The following NIPBL variants were observed in gnomAD, a reference collection of about 807,000 sequenced individuals.
NIPBL encodes the protein NIPBL cohesin loading factor.
A neutral mutation model predicts 321.8 loss-of-function variants in NIPBL; 19 were observed. That is an observed-to-expected ratio of 0.06 (90% CI 0.04 to 0.09). The LOEUF (loss-of-function observed/expected upper bound fraction) is 0.09. Among genes scored for constraint, NIPBL ranks in the 10% least tolerant of loss-of-function variants. The pLI is 1.00. For synonymous variants in NIPBL, 1,106 were observed against 1,114.1 expected, an observed-to-expected ratio of 0.99 and a Z score of 0.14; for missense variants, 2,210 against 3,327.0, an observed-to-expected ratio of 0.66 and a Z score of 8.26.
rs527790088 is a variant in NIPBL at position 36,879,702 on chromosome 5, A to G, written c.-80+2524A>G. ...TCAGAAGTGTTCCAGTAACCTTATA[A>G]TCCTAGTTATATTATTTGGAGAAAT... On this transcript the variant is annotated intron_variant, in intron 1 of 46. Coordinates refer to ENST00000282516, the MANE Select transcript of NIPBL (RefSeq NM_133433.4). Among the ~76,000 whole-genome samples, 5 of 152,248 alleles carry G rather than the reference A, an allele frequency of 3.3e-5. No individual in the cohort carries two copies. In the South Asian group the frequency reaches 1.0e-3, roughly 31 times the overall value.
chr5:37,060,881 G>A lies in NIPBL; in HGVS notation c.7723G>A (p.Val2575Ile), dbSNP rs958526898. Reference protein sequence around the residue: ...QKYSPSESAKVYDKAINRKTG... With the variant: ...QKYSPSESAKIYDKAINRKTG... ...GTACTCTCCATCTGAATCTGCAAAA[G>A]TATATGATAAAGCGATAAACCGAAA... The change falls in exon 45 of 47, where the codon GTA becomes ATA. Residue 2575 changes from valine (V) to isoleucine (I), a missense_variant. By Grantham distance (29) the Val-to-Ile change is conservative (BLOSUM62 3). Around this residue, in one of 14 missense-constraint regions of NIPBL, gnomAD observed 159 missense variants for 319.2 expected, o/e 0.50. Coordinates refer to ENST00000282516, the MANE Select transcript of NIPBL (RefSeq NM_133433.4). 4 of 1,613,880 alleles carry A rather than the reference G, an allele frequency of 2.5e-6. No homozygotes were observed. The highest frequency in any genetic ancestry group is 1.3e-5 in the African/African-American group (1 of 74,898).
At chr5:37,038,813 C>G (rs1045001829) in intron 34 of NIPBL, 75 bp downstream of exon 34, 14 of 1,423,616 alleles carry the variant, frequency 9.8e-6, no homozygotes, top group Non-Finnish European at 1.4e-5. Flanking sequence ...TCACATGCGT[C>G]AACCACATTC....
At chr5:36,936,204 T>G (rs1738405771) in intron 1 of NIPBL, among the ~76,000 whole-genome samples, 2 of 152,172 alleles carry the variant, frequency 1.3e-5, no homozygotes, top group Admixed American at 1.3e-4. Context: ...GTGTTCAGTT[T>G]TAGGATTTGC....
chr5:37,014,597 C>T lies in NIPBL; in HGVS notation c.4561-86C>T, dbSNP rs116554506. ...AGCATTTTAGTATTTAAATATATTA[C>T]CCCTCTTCAGTAATAACATGACAAT... On this transcript the variant is annotated intron_variant, in intron 21 of 46. Coordinates refer to ENST00000282516, the MANE Select transcript of NIPBL (RefSeq NM_133433.4). 6,642 of 797,264 alleles carry T rather than the reference C, an allele frequency of 8.3e-3. 135 individuals carry two copies. Among genetic ancestry groups the T allele is most frequent in the African/African-American group, 0.063 (3,674 of 58,288 alleles). 49.4% of individuals were successfully genotyped at this position (797,264 alleles called of 1,614,324 possible).
intron 42 of NIPBL, 85 bp from the exon 43 acceptor site, chr5:37,057,101 G>A (rs758224094): frequency 7.4e-7 from 1 of 1,346,294 alleles, no homozygotes; most frequent in Non-Finnish European, 1.0e-6. Context: ...AGGTGAAAGT[G>A]CCCTGTATTT....
At chr5:36,969,926 G>T (rs1199208589) in intron 6 of NIPBL, among the ~76,000 whole-genome samples, 2 of 152,056 alleles carry the variant, frequency 1.3e-5, no homozygotes, top group Non-Finnish European at 2.9e-5. Context: ...CTAGGTATTG[G>T]CACCTAGAGC....
chr5:37,002,817 T>C (rs1303808814), intron 15 of NIPBL, 52 bp downstream of exon 15: 2 of 1,077,208 alleles, frequency 1.9e-6, no homozygotes, highest in Non-Finnish European at 2.8e-6. Flanking sequence ...ACATTTGAAA[T>C]TAATTTAAGG....
At chr5:37,007,897 T>A (rs1015934275) in intron 18 of NIPBL, 111 bp from the exon 19 acceptor site, 15 of 736,162 alleles carry the variant, frequency 2.0e-5, no homozygotes, top group Admixed American at 1.5e-4. Context: ...AAAGAAAAAA[T>A]GCTTTCTTAG....
At position 36,905,021 on chromosome 5, in the gene NIPBL, A is replaced by G. The variant is rs369296553; in HGVS notation, c.-80+27843A>G. ...ACAGTGCAATTAGTATGGCATTAGT[A>G]TGAGAATTCCAGTGATGCAAAAGTG... On this transcript the variant is annotated intron_variant, in intron 1 of 46. Coordinates refer to ENST00000282516, the MANE Select transcript of NIPBL (RefSeq NM_133433.4). Among the ~76,000 whole-genome samples, 161 of 152,316 alleles carry G rather than the reference A, an allele frequency of 1.1e-3. 1 individual carries two copies. The East Asian group carries it at 0.018, about 17-fold the overall frequency.
chr5:36,916,970 T>C (rs1434676815), intron 1 of NIPBL, among the ~76,000 whole-genome samples: 1 of 152,126 alleles, frequency 6.6e-6, no homozygotes, highest in African/African-American at 2.4e-5. Flanking sequence ...TACGTGTGCA[T>C]GTGTCTTTAT....
At chr5:36,923,848 C>T (rs570438934) in intron 1 of NIPBL, among the ~76,000 whole-genome samples, 4 of 152,230 alleles carry the variant, frequency 2.6e-5, no homozygotes, top group Admixed American at 6.5e-5. Flanking sequence ...ATAAAAATTG[C>T]AAATTGAGTC....
intron 11 of NIPBL, among the ~76,000 whole-genome samples, chr5:36,998,706 A>G (rs551356693): frequency 2.0e-5 from 3 of 152,242 alleles, no homozygotes; most frequent in African/African-American, 2.4e-5. Context: ...CATCCCTTGT[A>G]ATGTAGGCAT....
intron 1 of NIPBL, among the ~76,000 whole-genome samples, chr5:36,953,010 T>A (rs1419883369): frequency 6.6e-6 from 1 of 152,122 alleles, no homozygotes; most frequent in African/African-American, 2.4e-5. Flanking sequence ...TGAAGAATTA[T>A]AGGATTTGTT....
intron 38 of NIPBL, among the ~76,000 whole-genome samples, chr5:37,046,977 A>AG (rs1195946306): frequency 6.6e-6 from 1 of 152,160 alleles, no homozygotes; most frequent in African/African-American, 2.4e-5. Flanking sequence ...AAAAATACTG[A>AG]GAAAAAAAAA....
chr5:37,015,338 G>A (rs575712513), intron 22 of NIPBL, among the ~76,000 whole-genome samples: 3 of 152,184 alleles, frequency 2.0e-5, no homozygotes, highest in South Asian at 4.1e-4. Context: ...TGGTTAGGCT[G>A]GTCTCGAACT....
chr5:37,021,098 A>T (rs931240190), intron 27 of NIPBL, among the ~76,000 whole-genome samples: 1 of 152,378 alleles, frequency 6.6e-6, no homozygotes, highest in African/African-American at 2.4e-5. Flanking sequence ...CAAGAGTTCG[A>T]GACCAACCTG....
At chr5:37,032,386 C>CGTGTGTGTGTGTGTGTGTGTGT (rs58831894) in intron 32 of NIPBL, among the ~76,000 whole-genome samples, 1 of 123,598 alleles carries the variant, frequency 8.1e-6, no homozygotes, top group Non-Finnish European at 1.7e-5. Flanking sequence ...TACATGTATA[C>CGTGTGTGTGTGTGTGTGTGTGT]GTGTGTGTGT....
At chr5:37,041,139 A>C (rs749982442) in intron 34 of NIPBL, among the ~76,000 whole-genome samples, 45 of 148,092 alleles carry the variant, frequency 3.0e-4, no homozygotes, top group Non-Finnish European at 5.9e-4. Context: ...AATGGTTTCC[A>C]TCTTTCTTTA....
chr5:37,042,265 T>C (rs1010847930), intron 34 of NIPBL, among the ~76,000 whole-genome samples: 1 of 150,188 alleles, frequency 6.7e-6, no homozygotes, highest in African/African-American at 2.5e-5. Context: ...TGAAACCCTG[T>C]CTCTACTAAA....
Sources: allele counts gnomAD v4.1 joint callset (sites outside exome capture counted in the v4.1 genomes callset), GRCh38; gene constraint gnomAD v4.1.1; regional missense constraint gnomAD v4.1.1; transcripts MANE v1.5; gene names NCBI Gene and HGNC (gene_info 2026-07-23, HGNC 2026-07-21).